Variants in SYCP2L observed in about 807,000 individuals in gnomAD.
SYCP2L encodes synaptonemal complex protein 2 like.
In SYCP2L, 98 loss-of-function variants were observed where a neutral mutation model predicts 125.8. The observed-to-expected ratio is 0.78, with a 90% CI of 0.66 to 0.92. SYCP2L has a LOEUF of 0.92. Among genes scored for constraint, SYCP2L ranks in the 40% least tolerant of loss-of-function variants. The probability of loss-of-function intolerance (pLI) is 0.00; values close to 1 mark genes in which losing one functional copy is unlikely to be tolerated. For missense variants in SYCP2L, 842 were observed against 936.4 expected, an observed-to-expected ratio of 0.90 and a Z score of 1.32; for synonymous variants, 317 against 325.4, an observed-to-expected ratio of 0.97 and a Z score of 0.28.
rs1207395381 is a variant in SYCP2L, at chr6:10,924,548, C to T, written c.1125C>T (p.Ile375=). The T allele has an allele frequency of 6.2e-7, 1 of 1,600,992 alleles. No homozygotes were observed. The highest frequency in any genetic ancestry group is 1.8e-5 in the Admixed American group (1 of 56,686). Residue 375 remains isoleucine, a synonymous_variant, in exon 15 of 30, where the codon ATC becomes ATT. Transcript: ENST00000283141. Reference sequence around the variant, plus strand: ...TTTACCTGAAGAAGCCCATGATTATCAGCTACAAAGAAGTCATGAAAATAG... The same window carrying T: ...TTTACCTGAAGAAGCCCATGATTATTAGCTACAAAGAAGTCATGAAAATAG... ...FIIYLKKPMI[I]SYKEVMKIEI...
rs746206302 is a variant in SYCP2L at position 10,894,190 on chromosome 6, G to A, written c.322G>A (p.Gly108Arg). Residue 108 changes from glycine to arginine, a missense_variant, in exon 4 of 30, where the codon GGA becomes AGA. Transcript: ENST00000283141. ...KEDEPLLIRQGLIPKLVSWFE... is the reference protein window; with the variant it reads ...KEDEPLLIRQRLIPKLVSWFE... ...AGATGAACCTCTGCTAATTCGGCAG[G>A]GACTGATCCCAAAGATAAGTGTCCT... The A allele has an allele frequency of 7.4e-6, 12 of 1,612,812 alleles. No individual in the cohort carries two copies. Among genetic ancestry groups the A allele is most frequent in the Non-Finnish European group, 9.3e-6 (11 of 1,179,764 alleles).
In SYCP2L at chr6:10,945,563, A is replaced by G. The variant is rs1034954279; in HGVS notation, c.1954+2817A>G. On this transcript the variant is annotated intron_variant, in intron 23 of 29. Coordinates refer to ENST00000283141, the MANE Select transcript of SYCP2L (RefSeq NM_001040274.3). ...GGTGGGTGGATCACCTGCGGTCAGGAGTTCAAGACCAGCCTGACCAACATG... is the reference window on the plus strand; with the variant it reads ...GGTGGGTGGATCACCTGCGGTCAGGGGTTCAAGACCAGCCTGACCAACATG... 2.0e-5 allele frequency among the ~76,000 whole-genome samples: 3 copies of G among 152,270 alleles called. No individual in the cohort carries two copies. The East Asian group carries it at 5.8e-4, about 29-fold the overall frequency.
chr6:10,894,402 A>C (rs1780224358), intron 4 of SYCP2L, among the ~76,000 whole-genome samples, 198 bp downstream of exon 4: 1 of 152,240 alleles, frequency 6.6e-6, no homozygotes, highest in Admixed American at 6.5e-5. Flanking sequence ...TATAGAAGGC[A>C]CTTTGGGAGT....
intron 21 of SYCP2L, among the ~76,000 whole-genome samples, chr6:10,938,790 T>A (rs537723546): frequency 1.7e-4 from 26 of 152,302 alleles, no homozygotes; most frequent in African/African-American, 6.0e-4. Flanking sequence ...TCAGTTGCAT[T>A]TCTAGACACT....
chr6:10,904,908 A>G (rs747121383), intron 8 of SYCP2L, among the ~76,000 whole-genome samples: 7 of 151,812 alleles, frequency 4.6e-5, no homozygotes, highest in South Asian at 2.1e-4. Context: ...GGCTGAGGCT[A>G]AGGTGGGCGG....
In SYCP2L at chr6:10,942,693, C is replaced by A; in HGVS notation, c.1901C>A (p.Ser634Ter). The A allele has an allele frequency of 6.2e-7, 1 of 1,613,086 alleles. No individual in the cohort carries two copies. The highest frequency in any genetic ancestry group is 8.5e-7 in the Non-Finnish European group (1 of 1,179,840). Reference sequence around the variant, plus strand: ...GTTTTTAAGATTGTGAACCAAGAATCACTAACAGAAAGTACTAGCTTGAAA... The same window carrying A: ...GTTTTTAAGATTGTGAACCAAGAATAACTAACAGAAAGTACTAGCTTGAAA... ...EEKPKIVNQE[S>*]LTESTSLKHK... Residue 634 changes from serine to a stop codon, truncating the protein, a stop_gained, in exon 23 of 30, where the codon TCA becomes TAA. Coordinates refer to ENST00000283141, the MANE Select transcript of SYCP2L (RefSeq NM_001040274.3). LOFTEE classifies it high-confidence loss of function.
At chr6:10,923,399 T>TTC (rs1415705227) in intron 14 of SYCP2L, among the ~76,000 whole-genome samples, 1 of 146,892 alleles carries the variant, frequency 6.8e-6, no homozygotes, top group African/African-American at 2.5e-5. Flanking sequence ...TTTTTTTTTT[T>TTC]TTTTGAGATG....
At position 10,969,721 on chromosome 6, in the gene SYCP2L, T is replaced by C. The variant is rs143230958; in HGVS notation, c.*38-4231T>C. Among the ~76,000 whole-genome samples, 490 of 152,094 alleles carry C rather than the reference T, an allele frequency of 3.2e-3. 3 individuals carry two copies. Among genetic ancestry groups the C allele is most frequent in the African/African-American group, 0.011 (470 of 41,492 alleles). Reference sequence around the variant, plus strand: ...GCAAAGATACGTGCAATAATATATATTACAAACTTGATCATAATAGGGAGA... The same window carrying C: ...GCAAAGATACGTGCAATAATATATACTACAAACTTGATCATAATAGGGAGA... On this transcript the variant is annotated intron_variant, in intron 29 of 29. Coordinates refer to ENST00000283141, the MANE Select transcript of SYCP2L (RefSeq NM_001040274.3).
intron 11 of SYCP2L, 75 bp downstream of exon 11, chr6:10,910,275 G>A: frequency 7.2e-7 from 1 of 1,380,880 alleles, no homozygotes; most frequent in East Asian, 2.3e-5. Context: ...ACAGTTTAGG[G>A]TCTGTTTCAT....
At chr6:10,894,804 T>C (rs1219607632) in intron 4 of SYCP2L, among the ~76,000 whole-genome samples, 2 of 152,290 alleles carry the variant, frequency 1.3e-5, no homozygotes, top group East Asian at 3.9e-4. Context: ...TCCGCTCTTT[T>C]AGTGGTGAGG....
At chr6:10,920,497 G>C (rs1038006104) in intron 14 of SYCP2L, among the ~76,000 whole-genome samples, 1 of 152,216 alleles carries the variant, frequency 6.6e-6, no homozygotes, top group Non-Finnish European at 1.5e-5. Flanking sequence ...GATTACAGGC[G>C]TGAGACACCG....
At chr6:10,958,954 G>T in intron 26 of SYCP2L, 79 bp downstream of exon 26, 2 of 1,257,958 alleles carry the variant, frequency 1.6e-6, no homozygotes, top group East Asian at 2.4e-5. Context: ...CACTGTGCTA[G>T]GGCCCTGAGG....
chr6:10,950,374 G>T (rs974653732), intron 23 of SYCP2L, among the ~76,000 whole-genome samples: 1 of 151,752 alleles, frequency 6.6e-6, no homozygotes, highest in East Asian at 1.9e-4. Context: ...TTTTTAATTC[G>T]TAAAATGTTC....
intron 23 of SYCP2L, among the ~76,000 whole-genome samples, chr6:10,945,910 T>G (rs1056393738): frequency 6.6e-6 from 1 of 152,220 alleles, no homozygotes; most frequent in Non-Finnish European, 1.5e-5. Flanking sequence ...TGTTTTTGTC[T>G]TGAAGTCTGT....
rs374285183 is a variant in SYCP2L, at chr6:10,927,327, C to T, written c.1400C>T (p.Ser467Phe). 2.5e-6 allele frequency: 4 copies of T among 1,613,966 alleles called. No homozygotes were observed. The highest frequency in any genetic ancestry group is 3.4e-6 in the Non-Finnish European group (4 of 1,180,026). Residue 467 changes from serine (S) to phenylalanine (F), a missense_variant, in exon 17 of 30, where the codon TCT becomes TTT. Coordinates refer to ENST00000283141, the MANE Select transcript of SYCP2L (RefSeq NM_001040274.3). Reference protein sequence around the residue: ...CLITLHLNDQSEPPVIGEPAS... With the variant: ...CLITLHLNDQFEPPVIGEPAS... ...ATAACTCTCCACTTAAATGACCAAT[C>T]TGAGCCACCTGTTATTGGGGAACCT...
chr6:10,939,023 C>G (rs112337440), intron 21 of SYCP2L, among the ~76,000 whole-genome samples: 6,706 of 151,744 alleles, frequency 0.044, 333 homozygotes, highest in East Asian at 0.22. Flanking sequence ...AGGAGGCTGA[C>G]GCGGGAGAAT....
At chr6:10,900,679 C>T (rs1052486087) in intron 6 of SYCP2L, among the ~76,000 whole-genome samples, 1 of 152,178 alleles carries the variant, frequency 6.6e-6, no homozygotes, top group African/African-American at 2.4e-5. Flanking sequence ...TAAGGGCACT[C>T]ATCCCATCAT....
At chr6:10,932,387 G>A (rs1407308865) in intron 20 of SYCP2L, among the ~76,000 whole-genome samples, 1 of 152,152 alleles carries the variant, frequency 6.6e-6, no homozygotes, top group Non-Finnish European at 1.5e-5. Flanking sequence ...TTTGTGTCAC[G>A]TGAGCTATGT....
chr6:10,959,723 G>A (rs1181922871), intron 26 of SYCP2L, among the ~76,000 whole-genome samples: 1 of 152,022 alleles, frequency 6.6e-6, no homozygotes, highest in Non-Finnish European at 1.5e-5. Context: ...TAAAAAATTA[G>A]CCAGGCGTGG....
Sources: allele counts gnomAD v4.1 joint callset (sites outside exome capture counted in the v4.1 genomes callset), GRCh38; gene constraint gnomAD v4.1.1; transcripts MANE v1.5; gene names NCBI Gene and HGNC (gene_info 2026-07-23, HGNC 2026-07-21).